GRK5: variants seen among roughly 807,000 people sequenced by gnomAD.
The protein encoded by GRK5 is G protein-coupled receptor kinase 5.
GRK5 carries 40 observed loss-of-function variants against 78.4 expected under a neutral mutation model. The observed-to-expected ratio is 0.51, with a 90% CI of 0.40 to 0.66. GRK5 has a LOEUF of 0.66. Ranked by LOEUF, GRK5 falls within the 30% of genes least tolerant of loss-of-function variation. GRK5 has a pLI of 0.00. For missense variants in GRK5, 598 were observed against 759.9 expected (o/e 0.79, Z 2.50); for synonymous variants, 289 against 296.8 (o/e 0.97, Z 0.27).
chr10:119,249,443 TATC>T (rs1849165279), intron 1 of GRK5, among the ~76,000 whole-genome samples: 2 of 152,214 alleles, frequency 1.3e-5, no homozygotes, highest in Admixed American at 6.5e-5. Flanking sequence ...ACACCAGGTA[TATC>T]ATGTATCAAA....
intron 2 of GRK5, among the ~76,000 whole-genome samples, chr10:119,369,155 C>A (rs1851502492): frequency 6.6e-6 from 1 of 152,150 alleles, no homozygotes; most frequent in Non-Finnish European, 1.5e-5. Flanking sequence ...AATACTGACG[C>A]CCTGGAGATT....
intron 3 of GRK5, among the ~76,000 whole-genome samples, chr10:119,394,853 A>AGCCCTATAAAATGAGGGGTGGGATT (rs1554916519): frequency 3.4e-5 from 5 of 148,280 alleles, no homozygotes; most frequent in East Asian, 2.1e-4. Context: ...GTGTGTGTGC[A>AGCCCTATAAAATGAGGGGTGGGATT]CACATGTGCA....
chr10:119,280,664 A>G (rs1027572162), intron 1 of GRK5, among the ~76,000 whole-genome samples: 6 of 152,092 alleles, frequency 3.9e-5, no homozygotes, highest in Admixed American at 6.5e-5. Context: ...GCTAGATGCT[A>G]TGGTAATTCC....
chr10:119,330,719 A>C (rs1455294852), intron 2 of GRK5, among the ~76,000 whole-genome samples: 1 of 151,840 alleles, frequency 6.6e-6, no homozygotes, highest in African/African-American at 2.4e-5. Context: ...CCTCCTCCCA[A>C]ATTAAGACTC....
intron 4 of GRK5, among the ~76,000 whole-genome samples, chr10:119,404,751 A>T (rs751843482): frequency 6.6e-6 from 1 of 152,222 alleles, no homozygotes; most frequent in Non-Finnish European, 1.5e-5. Flanking sequence ...CTTCATGGAC[A>T]TTCAGCCCCT....
chr10:119,453,998 G>C (rs867643107), intron 15 of GRK5, among the ~76,000 whole-genome samples: 1 of 152,162 alleles, frequency 6.6e-6, no homozygotes, highest in African/African-American at 2.4e-5. Context: ...CCCCGTCTTG[G>C]CCTGGCCCCT....
Position 119,398,089 on chromosome 10 carries a change from C to A in GRK5, c.339+1317C>A, listed in dbSNP as rs531491154. On this transcript the variant is annotated intron_variant, in intron 4 of 15. Coordinates refer to ENST00000392870, the MANE Select transcript of GRK5 (RefSeq NM_005308.3). ...CCCTGGGTAGGCACAGCTGCCCCCA[C>A]CTTGGGGGCCTTGCTATGCTCCAGA... 1.6e-3 allele frequency among the ~76,000 whole-genome samples: 246 copies of A among 152,330 alleles called. 1 individual carries two copies. Among genetic ancestry groups the A allele is most frequent in the African/African-American group, 5.6e-3 (231 of 41,572 alleles).
Position 119,378,638 on chromosome 10 carries a change from C to CCTCTCT in GRK5, c.149-2175_149-2170dup, listed in dbSNP as rs1000703218. ...GGGAGGGCGGGCTGCCTTCAGGGCT[C>CCTCTCT]CTCTCTCCGCTCATCTCCGCTTGTG... On this transcript the variant is annotated intron_variant, in intron 2 of 15. Transcript: ENST00000392870. This position sits in a 1 kb window ranked among gnomAD's most constrained non-coding sequence, Gnocchi z 4.5. Among the ~76,000 whole-genome samples, 11 of 150,540 alleles carry CCTCTCT rather than the reference C, an allele frequency of 7.3e-5. No individual in the cohort carries two copies. Among genetic ancestry groups the CCTCTCT allele is most frequent in the Non-Finnish European group, 1.3e-4 (9 of 67,784 alleles).
chr10:119,327,151 T>A (rs1358363831), intron 2 of GRK5, among the ~76,000 whole-genome samples: 2 of 152,056 alleles, frequency 1.3e-5, no homozygotes, highest in African/African-American at 2.4e-5. Context: ...TTGCTGGGGA[T>A]GTCAGTGCTC....
At chr10:119,252,299 A>G (rs1849217383) in intron 1 of GRK5, among the ~76,000 whole-genome samples, 1 of 152,190 alleles carries the variant, frequency 6.6e-6, no homozygotes, top group South Asian at 2.1e-4. Flanking sequence ...TGCGACGGGC[A>G]GAGAGCTGTC....
intron 2 of GRK5, among the ~76,000 whole-genome samples, chr10:119,372,195 G>A (rs1851558001): frequency 1.3e-5 from 2 of 152,166 alleles, no homozygotes; most frequent in South Asian, 2.1e-4. Flanking sequence ...GTGCTTGTTC[G>A]CCACCCTGTG....
At chr10:119,348,549 T>C (rs1240261910) in intron 2 of GRK5, among the ~76,000 whole-genome samples, 1 of 152,214 alleles carries the variant, frequency 6.6e-6, no homozygotes, top group Non-Finnish European at 1.5e-5. Flanking sequence ...ACAGAATGGG[T>C]TCTGGTGGTC....
At chr10:119,366,550 G>A (rs1456934208) in intron 2 of GRK5, among the ~76,000 whole-genome samples, 2 of 152,154 alleles carry the variant, frequency 1.3e-5, no homozygotes, top group African/African-American at 2.4e-5. Context: ...GAAGAGCAAC[G>A]GAAGAAAGGG....
At position 119,351,257 on chromosome 10, in the gene GRK5, G is replaced by A. The variant is rs550880227; in HGVS notation, c.148+24646G>A. Among the ~76,000 whole-genome samples the A allele has an allele frequency of 4.6e-5, 7 of 152,292 alleles. No individual in the cohort carries two copies. The South Asian group carries it at 1.2e-3, about 27-fold the overall frequency. On this transcript the variant is annotated intron_variant, in intron 2 of 15. Transcript: ENST00000392870. ...AACCTAAGTTAAAGAAAGATATTGA[G>A]TAAATACTGTAATGGTGGTAACTCT...
At position 119,207,912 on chromosome 10, in the gene GRK5, C is replaced by G; in HGVS notation, c.-6C>G. 1.3e-6 allele frequency: 2 copies of G among 1,598,860 alleles called. No homozygotes were observed. Among genetic ancestry groups the G allele is most frequent in the Non-Finnish European group, 1.7e-6 (2 of 1,174,270 alleles). On this transcript the variant is annotated 5_prime_UTR_variant, in exon 1 of 16. Transcript: ENST00000392870. ...GGCCGGCTCCGTTGCTGACCGCCGA[C>G]TGTCAATGGAGCTGGAAAACATCGT...
chr10:119,259,534 C>G (rs1245413919), intron 1 of GRK5, among the ~76,000 whole-genome samples: 1 of 152,212 alleles, frequency 6.6e-6, no homozygotes, highest in African/African-American at 2.4e-5. Context: ...TTCTCTTGGA[C>G]AGAGCCCTCA....
At chr10:119,231,101 C>T (rs1329571811) in intron 1 of GRK5, among the ~76,000 whole-genome samples, 1 of 152,024 alleles carries the variant, frequency 6.6e-6, no homozygotes, top group African/African-American at 2.4e-5. Flanking sequence ...AACTTTTGTG[C>T]AGCAAAAGAA....
intron 9 of GRK5, among the ~76,000 whole-genome samples, chr10:119,437,262 C>T (rs547734269): frequency 6.6e-5 from 10 of 152,208 alleles, no homozygotes; most frequent in Admixed American, 4.6e-4. Context: ...CAAGCAGAAT[C>T]GGAGTGGCCC....
chr10:119,270,457 A>G (rs1432776520), intron 1 of GRK5, among the ~76,000 whole-genome samples: 5 of 152,260 alleles, frequency 3.3e-5, no homozygotes, highest in African/African-American at 1.2e-4. Flanking sequence ...TAATCTAGAG[A>G]TGATGTAAAG....
Sources: gnomAD v4.1 joint callset for allele counts (sites outside exome capture counted in the v4.1 genomes callset) on GRCh38, gnomAD v4.1.1 for gene constraint, Gnocchi (gnomAD v3.1) non-coding constraint, MANE v1.5 for transcripts, NCBI Gene and HGNC (gene_info 2026-07-23, HGNC 2026-07-21) for gene names.